SNTG1: variants seen among roughly 807,000 people sequenced by gnomAD.
SNTG1 encodes syntrophin gamma 1, also known as gamma-1-syntrophin.
A neutral mutation model predicts 74.7 loss-of-function variants in SNTG1; 39 were observed. The observed-to-expected ratio is 0.52, with a 90% CI of 0.40 to 0.68. The LOEUF (loss-of-function observed/expected upper bound fraction) is 0.68. SNTG1 is among the 30% of genes least tolerant of loss of function. The pLI is 0.00. For synonymous variants in SNTG1, 254 were observed against 217.1 expected (o/e 1.17, Z -1.49); for missense variants, 685 against 609.5 (o/e 1.12, Z -1.30).
Position 50,671,745 on chromosome 8 carries a change from G to A in SNTG1, c.1038+13082G>A, listed in dbSNP as rs567595063. On this transcript the variant is annotated intron_variant, in intron 15 of 18. Transcript: ENST00000642720. ...TGCTGCTATAAAGACACATGCACACGTATGTTTATTGCGGCACTATTCACA... is the reference window on the plus strand; with the variant it reads ...TGCTGCTATAAAGACACATGCACACATATGTTTATTGCGGCACTATTCACA... 6.9e-4 allele frequency among the ~76,000 whole-genome samples: 105 copies of A among 151,988 alleles called. 1 individual carries two copies. Among genetic ancestry groups the A allele is most frequent in the South Asian group, 2.5e-3 (12 of 4,816 alleles).
At chr8:49,926,629 A>G (rs1429964880) in intron 1 of SNTG1, among the ~76,000 whole-genome samples, 1 of 152,168 alleles carries the variant, frequency 6.6e-6, no homozygotes, top group East Asian at 1.9e-4. Context: ...ATTCAAAACC[A>G]CTAAACTCCT....
chr8:50,402,011 G>A lies in SNTG1; in HGVS notation c.28-199G>A, dbSNP rs1010575279. Among the ~76,000 whole-genome samples the A allele has an allele frequency of 4.6e-5, 7 of 152,058 alleles. No individual in the cohort carries two copies. In the East Asian group the frequency reaches 5.8e-4, roughly 13 times the overall value. ...TTTTGTGACATTGTTTTCATTATCC[G>A]AGTGTTCACTCTACTTGAGATCATT... On this transcript the variant is annotated intron_variant, in intron 3 of 18. Transcript: ENST00000642720.
chr8:50,762,022 A>C, intron 18 of SNTG1, among the ~76,000 whole-genome samples: 1 of 152,144 alleles, frequency 6.6e-6, no homozygotes, highest in East Asian at 1.9e-4. Context: ...TATAAAGTAG[A>C]CATTGCTACC....
At chr8:50,107,152 T>C (rs72639889) in intron 1 of SNTG1, among the ~76,000 whole-genome samples, 192 of 152,282 alleles carry the variant, frequency 1.3e-3, no homozygotes, top group Non-Finnish European at 2.1e-3. Flanking sequence ...CTAAAGTAAG[T>C]TTTCTTGAAT....
At chr8:50,192,111 G>A (rs2083599657) in intron 2 of SNTG1, among the ~76,000 whole-genome samples, 1 of 152,082 alleles carries the variant, frequency 6.6e-6, no homozygotes, top group African/African-American at 2.4e-5. Context: ...TGTGCCCAGT[G>A]GGCATCCCAC....
chr8:50,664,125 T>A (rs1335718060), intron 15 of SNTG1, among the ~76,000 whole-genome samples: 1 of 152,132 alleles, frequency 6.6e-6, no homozygotes, highest in East Asian at 1.9e-4. Context: ...AACATGGAAG[T>A]TAGAGAAAAG....
intron 4 of SNTG1, among the ~76,000 whole-genome samples, chr8:50,430,421 T>G (rs114295947): frequency 0.028 from 4,242 of 152,250 alleles, 188 homozygotes; most frequent in African/African-American, 0.096. Flanking sequence ...GCTTATCTGT[T>G]AGTTCTTCTC....
intron 1 of SNTG1, among the ~76,000 whole-genome samples, chr8:50,032,732 C>G (rs899701162): frequency 2.0e-5 from 3 of 152,294 alleles, no homozygotes; most frequent in Middle Eastern, 3.4e-3. Context: ...AGAAGTAACT[C>G]TCCTTCACTT....
intron 1 of SNTG1, among the ~76,000 whole-genome samples, chr8:50,115,471 G>A (rs958429003): frequency 5.3e-5 from 8 of 151,242 alleles, no homozygotes; most frequent in Admixed American, 2.0e-4. Context: ...GTGGCTAGGT[G>A]GGAGAATTGC....
At chr8:50,225,143 T>C (rs2085263601) in intron 2 of SNTG1, among the ~76,000 whole-genome samples, 1 of 152,072 alleles carries the variant, frequency 6.6e-6, no homozygotes, top group Non-Finnish European at 1.5e-5. Context: ...GCTAATTTTT[T>C]GTATTTTTTT....
At chr8:50,426,154 A>G (rs970697911) in intron 4 of SNTG1, among the ~76,000 whole-genome samples, 1 of 152,122 alleles carries the variant, frequency 6.6e-6, no homozygotes, top group Non-Finnish European at 1.5e-5. Context: ...ACAAGTCCAT[A>G]GTGTATTTAG....
intron 1 of SNTG1, among the ~76,000 whole-genome samples, chr8:50,102,754 A>G (rs1369932507): frequency 8.6e-5 from 13 of 151,120 alleles, no homozygotes; most frequent in Admixed American, 2.6e-4. Flanking sequence ...TAAGGAAGGG[A>G]TCCAGTTTCA....
rs1033950138 is a variant in SNTG1 at position 50,780,345 on chromosome 8, G to C, written c.1396-12326G>C. 1.0e-3 allele frequency among the ~76,000 whole-genome samples: 153 copies of C among 152,164 alleles called. 1 individual carries two copies. The highest frequency in any genetic ancestry group is 5.4e-4 in the Non-Finnish European group (37 of 67,992). On this transcript the variant is annotated intron_variant, in intron 18 of 18. Transcript: ENST00000642720. ...ATCCCTCTGGTCCTGGACTCTTTTTGGTTGGTAAGCTATTGATTATTGCCA... is the reference window on the plus strand; with the variant it reads ...ATCCCTCTGGTCCTGGACTCTTTTTCGTTGGTAAGCTATTGATTATTGCCA...
chr8:50,352,668 G>C (rs1011358650), intron 2 of SNTG1, among the ~76,000 whole-genome samples: 3 of 152,136 alleles, frequency 2.0e-5, no homozygotes, highest in Non-Finnish European at 4.4e-5. Context: ...CAGGATTACA[G>C]GTGTATACCA....
chr8:49,969,925 T>C (rs914625363), intron 1 of SNTG1, among the ~76,000 whole-genome samples: 1 of 151,504 alleles, frequency 6.6e-6, no homozygotes, highest in Admixed American at 6.6e-5. Flanking sequence ...AACCTGTGTG[T>C]GTGTGTGTGT....
At chr8:50,775,300 C>G (rs1185384830) in intron 18 of SNTG1, among the ~76,000 whole-genome samples, 1 of 151,474 alleles carries the variant, frequency 6.6e-6, no homozygotes, top group Non-Finnish European at 1.5e-5. Context: ...GACAGTGAAA[C>G]AGTCAAAGCA....
At chr8:50,669,023 G>A (rs1347088437) in intron 15 of SNTG1, among the ~76,000 whole-genome samples, 2 of 152,046 alleles carry the variant, frequency 1.3e-5, no homozygotes, top group Middle Eastern at 3.4e-3. Flanking sequence ...GAATCTCTGG[G>A]ACACATTCAA....
intron 15 of SNTG1, among the ~76,000 whole-genome samples, chr8:50,694,442 T>C (rs1309120443): frequency 6.6e-6 from 1 of 152,092 alleles, no homozygotes; most frequent in East Asian, 1.9e-4. Context: ...GAATTAGTAA[T>C]AAGAAGTCTC....
intron 4 of SNTG1, among the ~76,000 whole-genome samples, chr8:50,429,025 A>G (rs2093199663): frequency 6.6e-6 from 1 of 152,224 alleles, no homozygotes; most frequent in African/African-American, 2.4e-5. Flanking sequence ...TACCATTTTC[A>G]TGTATTAGAA....
Sources: allele counts gnomAD v4.1 joint callset (sites outside exome capture counted in the v4.1 genomes callset), GRCh38; gene constraint gnomAD v4.1.1; transcripts MANE v1.5; gene names NCBI Gene and HGNC (gene_info 2026-07-23, HGNC 2026-07-21).